Variants in PCDHA8 observed in about 807,000 individuals in gnomAD.
The protein encoded by PCDHA8 is protocadherin alpha-8.
Under a neutral mutation model 61.8 loss-of-function variants are expected in PCDHA8, and 53 were observed. That is an observed-to-expected ratio of 0.86 (90% CI 0.69 to 1.08). The LOEUF (loss-of-function observed/expected upper bound fraction) is 1.08. PCDHA8 is among the 50% of genes least tolerant of loss of function. The pLI, the probability that PCDHA8 is intolerant of heterozygous loss-of-function variation, is 0.00. For missense variants in PCDHA8, 1,293 were observed against 1,245.0 expected (o/e 1.04, Z -0.58); for synonymous variants, 618 against 556.6 (o/e 1.11, Z -1.55).
intron 1 of PCDHA8, chr5:140,857,545 C>A (rs782516369): frequency 6.3e-7 from 1 of 1,596,810 alleles, no homozygotes; most frequent in African/African-American, 1.3e-5. Flanking sequence ...GGCGGTTGGG[C>A]GAGCGCTCGC....
chr5:140,847,921 C>T lies in PCDHA8; in HGVS notation c.2394+4206C>T, dbSNP rs1781251714. ...GTAGATTTCTGGGCTCCTATATTCA[C>T]TAGAGATTGCAACTCCTGGATTTCT... On this transcript the variant is annotated intron_variant, in intron 1 of 3. Transcript: ENST00000531613. 2 of 150,926 alleles carry T rather than the reference C, an allele frequency of 1.3e-5. 1 individual carries two copies. Among genetic ancestry groups the T allele is most frequent in the Non-Finnish European group, 2.9e-5 (2 of 67,862 alleles). 9.3% of individuals were successfully genotyped at this position (150,926 alleles called of 1,614,324 possible).
At chr5:140,867,507 C>G (rs190699676) in intron 1 of PCDHA8, 5 of 151,968 alleles carry the variant, frequency 3.3e-5, no homozygotes, top group Non-Finnish European at 7.4e-5. Flanking sequence ...AGAACAAAAT[C>G]TCAAATTAAT....
intron 3 of PCDHA8, among the ~76,000 whole-genome samples, chr5:141,004,948 C>T (rs1356526927): frequency 6.6e-6 from 1 of 152,236 alleles, no homozygotes; most frequent in African/African-American, 2.4e-5. Context: ...TTCTTACCCT[C>T]TCTCGTCACT....
intron 1 of PCDHA8, among the ~76,000 whole-genome samples, chr5:140,895,253 C>A (rs2153449431): frequency 6.6e-6 from 1 of 152,084 alleles, no homozygotes; most frequent in East Asian, 1.9e-4. Context: ...TCAAAGCTTT[C>A]TTTTTTTTCT....
At position 140,843,462 on chromosome 5, in the gene PCDHA8, C is replaced by A. The variant is rs557665140; in HGVS notation, c.2141C>A (p.Thr714Lys). The A allele has an allele frequency of 3.1e-6, 5 of 1,595,930 alleles. 1 individual carries two copies. In the African/African-American group the frequency reaches 5.4e-5, roughly 17 times the overall value. Residue 714 changes from threonine to lysine, a missense_variant, in exon 1 of 4, where the codon ACG (threonine) becomes AAG (lysine). Thr to Lys is a moderately conservative substitution (Grantham distance 78). Coordinates refer to ENST00000531613, the MANE Select transcript of PCDHA8 (RefSeq NM_018911.3). ...ICAVSSLLVL[T>K]LLLYTALRCS... is the part of the protein sequence containing the mutation. ...GCGGTATCCAGCCTGCTGGTGCTCACGCTGCTGCTGTACACTGCGCTGCGG... is the reference window on the plus strand; with the variant it reads ...GCGGTATCCAGCCTGCTGGTGCTCAAGCTGCTGCTGTACACTGCGCTGCGG...
At chr5:140,969,091 G>A (rs1554231442) in intron 1 of PCDHA8, 3 of 1,614,152 alleles carry the variant, frequency 1.9e-6, no homozygotes, top group Admixed American at 1.7e-5. Context: ...TCAAAGTGCA[G>A]CCTCACTTCA....
At chr5:140,892,827 A>G (rs1304427197) in intron 1 of PCDHA8, among the ~76,000 whole-genome samples, 3 of 152,188 alleles carry the variant, frequency 2.0e-5, no homozygotes, top group African/African-American at 7.2e-5. Context: ...ACAGTGCTAC[A>G]GTGCTGCAAA....
In PCDHA8 at chr5:140,876,944, C is replaced by T. The variant is rs550148099; in HGVS notation, c.2394+33229C>T. On this transcript the variant is annotated intron_variant, in intron 1 of 3. Transcript: ENST00000531613. ...GACGCGCAGAAGAACGCGCTGGTGT[C>T]CTACTCGCTGGTGGAGCGGCGGGTG... is the stretch of plus-strand genomic sequence containing the variant. The T allele has an allele frequency of 9.9e-6, 16 of 1,613,620 alleles. No individual in the cohort carries two copies. In the South Asian group the frequency reaches 1.5e-4, roughly 16 times the overall value.
At chr5:140,876,814 G>T (rs571648883) in intron 1 of PCDHA8, 1 of 1,614,226 alleles carries the variant, frequency 6.2e-7, no homozygotes, top group Non-Finnish European at 8.5e-7. Context: ...GGTGGCCGAC[G>T]TGAACGACAA....
At chr5:140,927,472 G>T (rs201932518) in intron 1 of PCDHA8, 4 of 1,614,094 alleles carry the variant, frequency 2.5e-6, no homozygotes, top group African/African-American at 1.3e-5. Context: ...ACTGGATCGC[G>T]AACAGCGCGC....
intron 1 of PCDHA8, among the ~76,000 whole-genome samples, chr5:140,907,645 T>C (rs2073515740): frequency 1.3e-5 from 2 of 152,328 alleles, no homozygotes; most frequent in South Asian, 4.1e-4. Flanking sequence ...TGCTGGCAAA[T>C]TGGGCACTCA....
At chr5:140,857,314 G>C in intron 1 of PCDHA8, 1 of 1,598,746 alleles carries the variant, frequency 6.3e-7, no homozygotes, top group Non-Finnish European at 8.6e-7. Flanking sequence ...CCTATGAGCT[G>C]GTGGTGACCG....
At chr5:140,959,570 T>C (rs1324858058) in intron 1 of PCDHA8, among the ~76,000 whole-genome samples, 1 of 152,184 alleles carries the variant, frequency 6.6e-6, no homozygotes. Context: ...ACTAGATTTT[T>C]TGTTTCAATT....
At chr5:140,871,314 G>T in intron 1 of PCDHA8, 2 of 1,614,048 alleles carry the variant, frequency 1.2e-6, no homozygotes, top group Non-Finnish European at 1.7e-6. Flanking sequence ...GGAAGCCCAC[G>T]CTGGTGTGCT....
intron 1 of PCDHA8, chr5:140,929,632 C>T: frequency 2.6e-6 from 1 of 387,580 alleles, no homozygotes; most frequent in Admixed American, 4.5e-5. Flanking sequence ...TTATAAGCAA[C>T]AGATGTGTAA....
chr5:140,912,260 C>T (rs1451576363), intron 1 of PCDHA8, among the ~76,000 whole-genome samples: 2 of 152,160 alleles, frequency 1.3e-5, no homozygotes, highest in African/African-American at 4.8e-5. Context: ...TTTGATGACA[C>T]CCTCACAGAT....
At chr5:140,857,106 C>A (rs2044362842) in intron 1 of PCDHA8, 2 of 1,597,856 alleles carry the variant, frequency 1.3e-6, no homozygotes, top group African/African-American at 2.7e-5. Context: ...ATTGTCACTT[C>A]TCTGTCTCTC....
rs565441433 is a variant in PCDHA8, at chr5:141,011,340, A to G, written c.*1403A>G. 6.5e-6 allele frequency: 1 copy of G among 153,828 alleles called. No homozygotes were observed. Among genetic ancestry groups the G allele is most frequent in the African/African-American group, 2.4e-5 (1 of 41,570 alleles). 9.5% of individuals were successfully genotyped at this position (153,828 alleles called of 1,614,324 possible). On this transcript the variant is annotated 3_prime_UTR_variant, in exon 4 of 4. Transcript: ENST00000531613. Reference sequence around the variant, plus strand: ...ACTAACACCTATGATGTTACCTGAAATCAATCTCCCATATGTATGCTGTAT... The same window carrying G: ...ACTAACACCTATGATGTTACCTGAAGTCAATCTCCCATATGTATGCTGTAT...
At chr5:140,997,740 C>T (rs568361121) in intron 3 of PCDHA8, among the ~76,000 whole-genome samples, 3 of 151,924 alleles carry the variant, frequency 2.0e-5, no homozygotes, top group African/African-American at 7.2e-5. Flanking sequence ...ATAGATTTGC[C>T]ACAATCTTCT....
Sources: allele counts gnomAD v4.1 joint callset (sites outside exome capture counted in the v4.1 genomes callset), GRCh38; gene constraint gnomAD v4.1.1; transcripts MANE v1.5; gene names NCBI Gene and HGNC (gene_info 2026-07-23, HGNC 2026-07-21).